MYO1E: variants seen among roughly 807,000 people sequenced by gnomAD.
The protein encoded by MYO1E is myosin IE, also known as unconventional myosin-Ie.
MYO1E carries 68 observed loss-of-function variants against 151.1 expected under a neutral mutation model. That is an observed-to-expected ratio of 0.45 (90% CI 0.37 to 0.55). The LOEUF is 0.55. Ranked by LOEUF, MYO1E falls within the 20% of genes least tolerant of loss-of-function variation. MYO1E has a pLI of 0.00. For synonymous variants in MYO1E, 601 were observed against 501.7 expected (o/e 1.20, Z -2.64); for missense variants, 1,363 against 1,389.3 (o/e 0.98, Z 0.30).
At chr15:59,208,583 A>G (rs2079855948) in intron 14 of MYO1E, 98 bp downstream of exon 14, 10 of 1,455,764 alleles carry the variant, frequency 6.9e-6, no homozygotes, top group South Asian at 3.4e-5. Context: ...TGTTGAATCA[A>G]TAAAATACGG....
chr15:59,207,283 C>G, intron 14 of MYO1E: 1 of 1,614,170 alleles, frequency 6.2e-7, no homozygotes, highest in Non-Finnish European at 8.5e-7. Flanking sequence ...GATGGATCTT[C>G]AACATGGCAG....
chr15:59,301,980 C>T (rs1440336036), intron 1 of MYO1E, among the ~76,000 whole-genome samples: 1 of 151,984 alleles, frequency 6.6e-6, no homozygotes, highest in East Asian at 1.9e-4. Context: ...TTCCCCTGCC[C>T]TCAAACCCAT....
intron 4 of MYO1E, 30 bp downstream of exon 4, chr15:59,256,254 C>A: frequency 6.6e-7 from 1 of 1,512,792 alleles, no homozygotes; most frequent in South Asian, 1.1e-5. Context: ...TCATATCTTC[C>A]ACGCCCACTG....
intron 14 of MYO1E, chr15:59,206,841 G>T (rs1448637735): frequency 4.0e-6 from 5 of 1,265,506 alleles, no homozygotes; most frequent in African/African-American, 3.0e-5. Flanking sequence ...CGCACCTGCC[G>T]TAGAGTGCTG....
At chr15:59,268,772 T>G (rs1245268761) in intron 2 of MYO1E, among the ~76,000 whole-genome samples, 1 of 136,880 alleles carries the variant, frequency 7.3e-6, no homozygotes, top group African/African-American at 2.6e-5. Context: ...CCATGTTAAA[T>G]GAACCTACAT....
At chr15:59,297,825 T>G (rs1158223661) in intron 1 of MYO1E, among the ~76,000 whole-genome samples, 1 of 152,020 alleles carries the variant, frequency 6.6e-6, no homozygotes, top group African/African-American at 2.4e-5. Context: ...CGAGTGATCC[T>G]CCCACCGTGG....
chr15:59,207,135 G>A (rs117906902), intron 14 of MYO1E: 4 of 1,614,224 alleles, frequency 2.5e-6, no homozygotes, highest in Admixed American at 3.3e-5. Flanking sequence ...CTTCCGAGAA[G>A]CCCGTTCATC....
chr15:59,280,749 T>C (rs1412937410), intron 1 of MYO1E, among the ~76,000 whole-genome samples: 2 of 152,130 alleles, frequency 1.3e-5, no homozygotes, highest in Non-Finnish European at 2.9e-5. Flanking sequence ...GCATCTTAGG[T>C]GTGATATATT....
At chr15:59,322,795 G>C (rs1484741200) in intron 1 of MYO1E, among the ~76,000 whole-genome samples, 1 of 152,148 alleles carries the variant, frequency 6.6e-6, no homozygotes, top group Non-Finnish European at 1.5e-5. Flanking sequence ...TCTTAAACCA[G>C]AATATGTCTT....
In MYO1E at chr15:59,272,411, G is replaced by A; in HGVS notation, c.42C>T (p.His14=). The A allele has an allele frequency of 6.2e-7, 1 of 1,614,144 alleles. No individual in the cohort carries two copies. The highest frequency in any genetic ancestry group is 8.5e-7 in the Non-Finnish European group (1 of 1,179,964). ...CGTCCACACCACTGTGCTTGACATT[G>A]TGGCTTTGCCAGTGGTACTGGTAGA... The part of the protein sequence containing the change: ...KGVYQYHWQS[H]NVKHSGVDDM... The change falls in exon 2 of 28, where the codon CAC becomes CAT. Residue 14 remains histidine, a synonymous_variant. Transcript: ENST00000288235.
chr15:59,214,882 A>G (rs1273406786), intron 10 of MYO1E, among the ~76,000 whole-genome samples, 162 bp from the exon 11 acceptor site: 1 of 152,240 alleles, frequency 6.6e-6, no homozygotes, highest in Non-Finnish European at 1.5e-5. Flanking sequence ...ACAATCTCTC[A>G]GTCCAAAGTC....
At chr15:59,269,839 C>T (rs911600008) in intron 2 of MYO1E, among the ~76,000 whole-genome samples, 1 of 150,836 alleles carries the variant, frequency 6.6e-6, no homozygotes, top group Non-Finnish European at 1.5e-5. Context: ...GGCGAGAGAG[C>T]AAGACTCCAT....
chr15:59,168,265 G>A (rs1049256943), intron 22 of MYO1E, among the ~76,000 whole-genome samples: 2 of 152,116 alleles, frequency 1.3e-5, no homozygotes, highest in Non-Finnish European at 2.9e-5. Context: ...AGGATAGTAG[G>A]GCCAGGTGCA....
intron 2 of MYO1E, among the ~76,000 whole-genome samples, chr15:59,265,803 A>T (rs1001687735): frequency 5.3e-5 from 8 of 150,490 alleles, no homozygotes; most frequent in Non-Finnish European, 1.0e-4. Flanking sequence ...AAAAAAAAAA[A>T]AAAAAAAAAA....
chr15:59,151,410 C>T (rs937167775), intron 26 of MYO1E, among the ~76,000 whole-genome samples: 2 of 151,962 alleles, frequency 1.3e-5, no homozygotes, highest in East Asian at 1.9e-4. Context: ...AGCCTGGCAA[C>T]AGAACAAGAC....
intron 1 of MYO1E, among the ~76,000 whole-genome samples, chr15:59,305,235 C>G (rs891223002): frequency 6.6e-6 from 1 of 152,128 alleles, no homozygotes. Context: ...ACTCTGTCGC[C>G]CAGGTTGGAG....
rs373087420 is a variant in MYO1E, at chr15:59,372,659, G to T, written c.-159C>A. ...CAGGAGCCAATGGGAACCCAGAGGG[G>T]ACTCCATCCAGGCGGGATTGGCGGT... On this transcript the variant is annotated 5_prime_UTR_variant, in exon 1 of 28. Transcript: ENST00000288235. 7 of 899,754 alleles carry T rather than the reference G, an allele frequency of 7.8e-6. No individual in the cohort carries two copies. The Admixed American group carries it at 1.3e-4, about 17-fold the overall frequency. 55.7% of individuals were successfully genotyped at this position (899,754 alleles called of 1,614,324 possible). A position where few individuals can be genotyped will look rare whatever the true frequency, so the allele number is the denominator to read the frequency against.
Position 59,300,635 on chromosome 15 carries a change from T to C in MYO1E, c.4-28186A>G, listed in dbSNP as rs531273615. 2.0e-5 allele frequency among the ~76,000 whole-genome samples: 3 copies of C among 152,276 alleles called. No individual in the cohort carries two copies. The East Asian group carries it at 5.8e-4, about 29-fold the overall frequency. On this transcript the variant is annotated intron_variant, in intron 1 of 27. Coordinates refer to ENST00000288235, the MANE Select transcript of MYO1E (RefSeq NM_004998.4). ...GAAGCTGAACGCTGGTGCACTGATCTAGAAACCTGTGATCGCCTTCTAGCT... is the reference window on the plus strand; with the variant it reads ...GAAGCTGAACGCTGGTGCACTGATCCAGAAACCTGTGATCGCCTTCTAGCT...
intron 4 of MYO1E, among the ~76,000 whole-genome samples, chr15:59,241,544 C>G (rs1596381230): frequency 6.6e-6 from 1 of 151,670 alleles, no homozygotes; most frequent in Non-Finnish European, 1.5e-5. Flanking sequence ...CTACTAAAAA[C>G]ACAAAAAAAT....
Sources: allele counts gnomAD v4.1 joint callset (sites outside exome capture counted in the v4.1 genomes callset), GRCh38; gene constraint gnomAD v4.1.1; transcripts MANE v1.5; gene names NCBI Gene and HGNC (gene_info 2026-07-23, HGNC 2026-07-21).